Variants in ENOX1 observed in about 807,000 individuals in gnomAD.
The protein encoded by ENOX1 is ecto-NOX disulfide-thiol exchanger 1.
A neutral mutation model predicts 82.5 loss-of-function variants in ENOX1; 42 were observed. That is an observed-to-expected ratio of 0.51 (90% CI 0.40 to 0.66). The LOEUF (loss-of-function observed/expected upper bound fraction) is 0.66. Among genes scored for constraint, ENOX1 ranks in the 30% least tolerant of loss-of-function variants. ENOX1 has a pLI of 0.00. For synonymous variants in ENOX1, 271 were observed against 282.2 expected, an observed-to-expected ratio of 0.96 and a Z score of 0.40; for missense variants, 608 against 811.6, an observed-to-expected ratio of 0.75 and a Z score of 3.05.
intron 2 of ENOX1, among the ~76,000 whole-genome samples, chr13:43,660,207 G>T (rs2084652200): frequency 6.6e-6 from 1 of 152,142 alleles, no homozygotes; most frequent in Non-Finnish European, 1.5e-5. Flanking sequence ...GGTCTGCTAA[G>T]TAAGTTAGCA....
chr13:43,546,020 G>A (rs770407912), intron 2 of ENOX1: 2 of 152,122 alleles, frequency 1.3e-5, no homozygotes, highest in Admixed American at 6.5e-5. Context: ...ATCAGCACTC[G>A]AACAAGTCTT....
intron 1 of ENOX1, among the ~76,000 whole-genome samples, chr13:43,700,891 A>G (rs1327200938): frequency 6.6e-6 from 1 of 152,162 alleles, no homozygotes; most frequent in Non-Finnish European, 1.5e-5. Context: ...AACTCTTATA[A>G]ACTATCTCCA....
intron 1 of ENOX1, among the ~76,000 whole-genome samples, chr13:43,700,852 TTAAGA>T (rs1308010074): frequency 1.3e-5 from 2 of 152,144 alleles, no homozygotes; most frequent in Non-Finnish European, 2.9e-5. Context: ...ATACAAGACT[TTAAGA>T]TATAATGATT....
In ENOX1 at chr13:43,306,790, T is replaced by C. The variant is rs573930984; in HGVS notation, c.1262-8260A>G. Reference sequence around the variant, plus strand: ...ATCAAGAAACTTTCCCCTTAAGAAGTGTATTTCCCCTCTCCTGCTCTACCC... The same window carrying C: ...ATCAAGAAACTTTCCCCTTAAGAAGCGTATTTCCCCTCTCCTGCTCTACCC... On this transcript the variant is annotated intron_variant, in intron 11 of 16. Transcript: ENST00000690772. Among the ~76,000 whole-genome samples, 64 of 151,222 alleles carry C rather than the reference T, an allele frequency of 4.2e-4. No homozygotes were observed. The Admixed American group carries it at 4.2e-3, about 10-fold the overall frequency.
In ENOX1 at chr13:43,356,067, G is replaced by A; in HGVS notation, c.675C>T (p.Phe225=). ...HVDFAQARDD[F]YEWECKQRMR... ...TCCTCTGCTTGCATTCCCACTCATAGAAGTCATCCCTGGCCTGGGCAAAGT... is the reference window on the plus strand; with the variant it reads ...TCCTCTGCTTGCATTCCCACTCATAAAAGTCATCCCTGGCCTGGGCAAAGT... The change falls in exon 8 of 17, where the codon TTC becomes TTT. Residue 225 remains phenylalanine, a synonymous_variant. Coordinates refer to ENST00000690772, the MANE Select transcript of ENOX1 (RefSeq NM_001347969.2). The A allele has an allele frequency of 6.2e-7, 1 of 1,614,166 alleles. No homozygotes were observed. Among genetic ancestry groups the A allele is most frequent in the Non-Finnish European group, 8.5e-7 (1 of 1,180,034 alleles).
intron 3 of ENOX1, among the ~76,000 whole-genome samples, chr13:43,480,077 C>T (rs2058450814): frequency 6.6e-6 from 1 of 151,970 alleles, no homozygotes; most frequent in African/African-American, 2.4e-5. Context: ...GCTGGGATTA[C>T]AGGCACCCAC....
At chr13:43,508,745 T>C (rs565387046) in intron 2 of ENOX1, among the ~76,000 whole-genome samples, 2 of 152,036 alleles carry the variant, frequency 1.3e-5, no homozygotes, top group South Asian at 4.1e-4. Flanking sequence ...ACACATGCAA[T>C]ACTTGATTCA....
intron 2 of ENOX1, among the ~76,000 whole-genome samples, chr13:43,619,944 C>A (rs1373581528): frequency 5.3e-5 from 8 of 152,224 alleles, no homozygotes; most frequent in African/African-American, 1.9e-4. Context: ...TGCTATTGGT[C>A]TGTTCAGGGT....
chr13:43,558,803 T>C (rs900612441), intron 2 of ENOX1, among the ~76,000 whole-genome samples: 26 of 152,330 alleles, frequency 1.7e-4, no homozygotes, highest in African/African-American at 6.3e-4. Flanking sequence ...ATTTGTTTTA[T>C]AAAGTAGCAG....
intron 9 of ENOX1, among the ~76,000 whole-genome samples, chr13:43,330,544 A>C (rs1249554899): frequency 6.6e-6 from 1 of 152,304 alleles, no homozygotes; most frequent in Non-Finnish European, 1.5e-5. Flanking sequence ...ATTTAAATTT[A>C]CCCCTCACAC....
At chr13:43,715,516 C>T (rs2088055796) in intron 1 of ENOX1, among the ~76,000 whole-genome samples, 3 of 152,070 alleles carry the variant, frequency 2.0e-5, no homozygotes. Context: ...GTTGGCCTGC[C>T]TTGTTAGATT....
At chr13:43,316,189 T>C (rs1399076107) in intron 11 of ENOX1, among the ~76,000 whole-genome samples, 1 of 152,190 alleles carries the variant, frequency 6.6e-6, no homozygotes, top group Non-Finnish European at 1.5e-5. Context: ...TGGGCTGTCA[T>C]GCAGGAAACT....
intron 1 of ENOX1, among the ~76,000 whole-genome samples, chr13:43,721,327 T>C (rs1051398280): frequency 6.7e-6 from 1 of 150,150 alleles, no homozygotes; most frequent in Non-Finnish European, 1.5e-5. Flanking sequence ...TAAAACACCA[T>C]AAATCCAGAG....
At position 43,224,426 on chromosome 13, in the gene ENOX1, C is replaced by G. The variant is rs376201432; in HGVS notation, c.1715-288G>C. On this transcript the variant is annotated intron_variant, in intron 15 of 16. Coordinates refer to ENST00000690772, the MANE Select transcript of ENOX1 (RefSeq NM_001347969.2). ...AAAACAAAGACTCCTGGAAGCATTT[C>G]AACTACCAATTTTATGCTTGATTTA... Among the ~76,000 whole-genome samples, 145 of 152,320 alleles carry G rather than the reference C, an allele frequency of 9.5e-4. 3 individuals are homozygous for G. In the South Asian group the frequency reaches 0.029, roughly 30 times the overall value.
intron 2 of ENOX1, among the ~76,000 whole-genome samples, chr13:43,486,697 G>A (rs1006824944): frequency 4.6e-5 from 7 of 152,282 alleles, no homozygotes; most frequent in African/African-American, 1.2e-4. Flanking sequence ...CCAAACTGGC[G>A]GGGGTGTTCC....
intron 2 of ENOX1, among the ~76,000 whole-genome samples, chr13:43,665,334 T>C (rs1252998528): frequency 6.6e-6 from 1 of 152,196 alleles, no homozygotes; most frequent in East Asian, 1.9e-4. Flanking sequence ...GAACAGATCA[T>C]TTAAGTGCTA....
chr13:43,284,774 GTGTGT>G (rs1325522516), intron 12 of ENOX1, among the ~76,000 whole-genome samples: 7 of 2,872 alleles, frequency 2.4e-3, no homozygotes, highest in Non-Finnish European at 9.0e-3. Flanking sequence ...TGTTAAAGGT[GTGTGT>G]GTGTGTGTGT....
At chr13:43,484,377 C>T (rs2058615222) in intron 2 of ENOX1, among the ~76,000 whole-genome samples, 1 of 152,110 alleles carries the variant, frequency 6.6e-6, no homozygotes, top group Non-Finnish European at 1.5e-5. Context: ...ACTAAGCAAA[C>T]CTCTGCTTTT....
At chr13:43,301,756 T>C (rs1327755037) in intron 11 of ENOX1, among the ~76,000 whole-genome samples, 3 of 152,176 alleles carry the variant, frequency 2.0e-5, no homozygotes, top group African/African-American at 7.2e-5. Context: ...AAATTGTATA[T>C]TGACTCCACT....
Sources: allele counts gnomAD v4.1 joint callset (sites outside exome capture counted in the v4.1 genomes callset), GRCh38; gene constraint gnomAD v4.1.1; transcripts MANE v1.5; gene names NCBI Gene and HGNC (gene_info 2026-07-23, HGNC 2026-07-21).